Variants in CFAP299 observed in about 807,000 individuals in gnomAD.
CFAP299 encodes the protein cilia and flagella associated protein 299, also known as cilia- and flagella-associated protein 299.
Under a neutral mutation model 27.0 loss-of-function variants are expected in CFAP299, and 21 were observed. The observed-to-expected ratio is 0.78, with a 90% CI of 0.55 to 1.12. The LOEUF (loss-of-function observed/expected upper bound fraction) is 1.12, where lower values mean the gene tolerates loss of function less well. CFAP299 is among the 50% of genes most tolerant of loss of function. CFAP299 has a pLI of 0.00. For synonymous variants in CFAP299, 104 were observed against 98.1 expected, an observed-to-expected ratio of 1.06 and a Z score of -0.36; for missense variants, 310 against 276.6, an observed-to-expected ratio of 1.12 and a Z score of -0.86.
chr4:80,901,088 T>A (rs1409917096), intron 4 of CFAP299, among the ~76,000 whole-genome samples: 1 of 151,962 alleles, frequency 6.6e-6, no homozygotes, highest in Non-Finnish European at 1.5e-5. Context: ...TAGTAAACAA[T>A]GGTATACAGA....
At chr4:80,599,746 C>A (rs1737234198) in intron 3 of CFAP299, among the ~76,000 whole-genome samples, 2 of 152,100 alleles carry the variant, frequency 1.3e-5, no homozygotes, top group African/African-American at 2.4e-5. Context: ...ACTACTGTTA[C>A]ACCCACAGGG....
At chr4:80,615,499 C>T (rs772092775) in intron 3 of CFAP299, among the ~76,000 whole-genome samples, 2 of 151,416 alleles carry the variant, frequency 1.3e-5, no homozygotes, top group Admixed American at 6.6e-5. Context: ...CTTACATCAT[C>T]GATTCACTCT....
At chr4:80,769,539 C>T (rs536666507) in intron 3 of CFAP299, among the ~76,000 whole-genome samples, 1 of 152,066 alleles carries the variant, frequency 6.6e-6, no homozygotes, top group Non-Finnish European at 1.5e-5. Flanking sequence ...GACTACAAGG[C>T]ATAAGCCACC....
intron 3 of CFAP299, among the ~76,000 whole-genome samples, chr4:80,833,903 A>C (rs1360186445): frequency 1.3e-5 from 2 of 152,194 alleles, no homozygotes; most frequent in African/African-American, 4.8e-5. Flanking sequence ...TTTTTGGCCC[A>C]GAGTAAAGTA....
At chr4:80,666,717 C>T (rs1741157428) in intron 3 of CFAP299, among the ~76,000 whole-genome samples, 1 of 152,166 alleles carries the variant, frequency 6.6e-6, no homozygotes, top group South Asian at 2.1e-4. Context: ...CTATATATTT[C>T]CAGACTTTCT....
At chr4:80,554,974 A>G (rs1734715100) in intron 2 of CFAP299, among the ~76,000 whole-genome samples, 1 of 152,064 alleles carries the variant, frequency 6.6e-6, no homozygotes, top group East Asian at 1.9e-4. Context: ...CTCTCTTCCT[A>G]TTTGGATGCC....
At chr4:80,564,695 T>TA (rs896301744) in intron 2 of CFAP299, among the ~76,000 whole-genome samples, 2 of 151,814 alleles carry the variant, frequency 1.3e-5, no homozygotes, top group Non-Finnish European at 2.9e-5. Context: ...GAAAAAGAAA[T>TA]AAACGGCATC....
At chr4:80,550,156 C>T (rs73832413) in intron 2 of CFAP299, among the ~76,000 whole-genome samples, 4,373 of 152,118 alleles carry the variant, frequency 0.029, 224 homozygotes, top group African/African-American at 0.1. Flanking sequence ...AATTTTCATA[C>T]AATACACCTC....
rs149529721 is a variant in CFAP299, at chr4:80,705,806, G to A, written c.333+122623G>A. ...TATAATTAGAATTTACCTACTCAAC[G>A]GTATTACTGTAAATGACCTTTATGA... On this transcript the variant is annotated intron_variant, in intron 3 of 5. Coordinates refer to ENST00000358105, the MANE Select transcript of CFAP299 (RefSeq NM_152770.3). 5.8e-3 allele frequency among the ~76,000 whole-genome samples: 888 copies of A among 151,848 alleles called. 6 individuals are homozygous for A. The highest frequency in any genetic ancestry group is 8.0e-3 in the Non-Finnish European group (540 of 67,786).
At chr4:80,432,443 G>T (rs1386068117) in intron 2 of CFAP299, among the ~76,000 whole-genome samples, 1 of 151,816 alleles carries the variant, frequency 6.6e-6, no homozygotes, top group African/African-American at 2.4e-5. Flanking sequence ...GAGCAACCAT[G>T]CCCGGCCCTT....
At position 80,948,458 on chromosome 4, in the gene CFAP299, C is replaced by A. The variant is rs200215743; in HGVS notation, c.606+3519C>A. On this transcript the variant is annotated intron_variant, in intron 5 of 5. Transcript: ENST00000358105. ...GTGATTCACACCCACCAAAATGTTT[C>A]CAGTGTATTATCTTTAGAAGAATTA... 2.2e-4 allele frequency among the ~76,000 whole-genome samples: 4 copies of A among 18,268 alleles called. No individual in the cohort carries two copies. The Admixed American group carries it at 3.9e-3, about 18-fold the overall frequency. 12.0% of individuals were successfully genotyped at this position (18,268 alleles called of 152,430 possible).
At chr4:80,523,516 C>A (rs1203185048) in intron 2 of CFAP299, among the ~76,000 whole-genome samples, 1 of 151,976 alleles carries the variant, frequency 6.6e-6, no homozygotes, top group Non-Finnish European at 1.5e-5. Context: ...GAGGATGTTT[C>A]CAGAAGATAT....
At chr4:80,707,415 A>G (rs1721884808) in intron 3 of CFAP299, among the ~76,000 whole-genome samples, 1 of 152,026 alleles carries the variant, frequency 6.6e-6, no homozygotes, top group Non-Finnish European at 1.5e-5. Flanking sequence ...TGTATCATCT[A>G]TGGCTGTTTA....
At chr4:80,361,430 C>T (rs1723543020) in intron 1 of CFAP299, among the ~76,000 whole-genome samples, 1 of 152,178 alleles carries the variant, frequency 6.6e-6, no homozygotes, top group Non-Finnish European at 1.5e-5. Context: ...TAAGAAAATT[C>T]TTACTCAAAT....
chr4:80,896,076 G>A (rs981261716), intron 4 of CFAP299, among the ~76,000 whole-genome samples: 1 of 151,988 alleles, frequency 6.6e-6, no homozygotes, highest in Admixed American at 6.6e-5. Flanking sequence ...TGTATTTAAT[G>A]TTACAAATAT....
chr4:80,442,842 A>C (rs1728426691), intron 2 of CFAP299, among the ~76,000 whole-genome samples: 1 of 152,200 alleles, frequency 6.6e-6, no homozygotes, highest in African/African-American at 2.4e-5. Context: ...CACAATAAAA[A>C]AGATAAAGGG....
At chr4:80,906,131 A>C (rs2101841) in intron 4 of CFAP299, among the ~76,000 whole-genome samples, 1 of 152,162 alleles carries the variant, frequency 6.6e-6, no homozygotes, top group African/African-American at 2.4e-5. Context: ...AAATATACCC[A>C]TTCCATATGG....
chr4:80,339,632 A>G (rs1722342036), intron 1 of CFAP299, among the ~76,000 whole-genome samples: 1 of 152,248 alleles, frequency 6.6e-6, no homozygotes, highest in Admixed American at 6.5e-5. Context: ...GCATCACTGT[A>G]TCAGCAATTA....
chr4:80,459,599 G>A (rs1486803690), intron 2 of CFAP299, among the ~76,000 whole-genome samples: 4 of 151,916 alleles, frequency 2.6e-5, no homozygotes, highest in Admixed American at 6.6e-5. Context: ...TTCTTCTGAC[G>A]AGGCAAGAAT....
Sources: allele counts gnomAD v4.1 joint callset (sites outside exome capture counted in the v4.1 genomes callset), GRCh38; gene constraint gnomAD v4.1.1; transcripts MANE v1.5; gene names NCBI Gene and HGNC (gene_info 2026-07-23, HGNC 2026-07-21).